EPG5: variants seen among roughly 807,000 people sequenced by gnomAD.
The protein encoded by EPG5 is ectopic P-granules 5 autophagy tethering factor, also known as ectopic P granules protein 5 homolog.
A neutral mutation model predicts 302.7 loss-of-function variants in EPG5; 159 were observed. The observed-to-expected ratio is 0.53, with a 90% CI of 0.46 to 0.60. The LOEUF is 0.60. Among genes scored for constraint, EPG5 ranks in the 20% least tolerant of loss-of-function variants. The probability of loss-of-function intolerance (pLI) is 0.00; values close to 1 mark genes in which losing one functional copy is unlikely to be tolerated. For synonymous variants in EPG5, 1,158 were observed against 1,136.8 expected (o/e 1.02, Z -0.37); for missense variants, 2,896 against 3,092.4 (o/e 0.94, Z 1.51).
intron 3 of EPG5, 52 bp from the exon 4 acceptor site, chr18:45,951,290 A>G: frequency 5.3e-6 from 7 of 1,310,848 alleles, no homozygotes; most frequent in Non-Finnish European, 6.9e-6. Context: ...TTTTTGGGGG[A>G]ATTTTTAGTG....
At chr18:45,876,392 C>T (rs917081552) in intron 34 of EPG5, 50 bp from the exon 35 acceptor site, 16 of 1,464,558 alleles carry the variant, frequency 1.1e-5, no homozygotes, top group African/African-American at 9.7e-5. Flanking sequence ...GATTAAAATA[C>T]TGTTAAGTCC....
chr18:45,855,481 T>A, intron 43 of EPG5, 92 bp downstream of exon 43: 1 of 820,466 alleles, frequency 1.2e-6, no homozygotes, highest in East Asian at 2.6e-5. Context: ...CAGAGCATCA[T>A]GTCATGACGC....
chr18:45,891,324 C>A (rs1327828333), intron 27 of EPG5, among the ~76,000 whole-genome samples: 2 of 151,840 alleles, frequency 1.3e-5, no homozygotes, highest in Non-Finnish European at 2.9e-5. Context: ...CGTGGTGAAA[C>A]CCCGTCTCTA....
intron 27 of EPG5, among the ~76,000 whole-genome samples, chr18:45,894,946 G>C (rs1024870079): frequency 1.3e-5 from 2 of 152,150 alleles, no homozygotes; most frequent in East Asian, 1.9e-4. Context: ...TGAGTAATGA[G>C]AGAATGGAAA....
chr18:45,921,104 C>T (rs977252652), intron 16 of EPG5, among the ~76,000 whole-genome samples: 2 of 152,200 alleles, frequency 1.3e-5, no homozygotes, highest in South Asian at 2.1e-4. Context: ...CATCATCCAG[C>T]CTGCAATTAT....
At chr18:45,801,031 G>T in the EPG5 span, among the ~76,000 whole-genome samples, 1 of 151,866 alleles carries the variant, frequency 6.6e-6, no homozygotes, top group African/African-American at 2.4e-5. Context: ...TGTTTTGAAT[G>T]GGGGGTTGTT....
At chr18:45,823,625 T>C in the EPG5 span, among the ~76,000 whole-genome samples, 2 of 152,206 alleles carry the variant, frequency 1.3e-5, no homozygotes, top group African/African-American at 4.8e-5. Context: ...TTTTATTTTG[T>C]TCTTTTATTA....
At chr18:45,833,218 C>G in the EPG5 span, among the ~76,000 whole-genome samples, 3 of 152,264 alleles carry the variant, frequency 2.0e-5, no homozygotes, top group South Asian at 6.2e-4. Context: ...GTGACTTCAC[C>G]AAGTTGCTGT....
chr18:45,945,256 T>G (rs2050761099), intron 7 of EPG5, among the ~76,000 whole-genome samples: 1 of 152,220 alleles, frequency 6.6e-6, no homozygotes, highest in Admixed American at 6.5e-5. Context: ...TTAGCTATTC[T>G]CAACTCAAAG....
At chr18:45,810,715 A>G in the EPG5 span, among the ~76,000 whole-genome samples, 1 of 152,290 alleles carries the variant, frequency 6.6e-6, no homozygotes, top group African/African-American at 2.4e-5. Context: ...TGGGAGGCGG[A>G]GGTTGCAGTG....
At chr18:45,926,458 T>C (rs2050270378) in intron 13 of EPG5, among the ~76,000 whole-genome samples, 1 of 152,120 alleles carries the variant, frequency 6.6e-6, no homozygotes, top group Non-Finnish European at 1.5e-5. Flanking sequence ...TAATCCACAA[T>C]AAAAAATTTT....
At position 45,948,453 on chromosome 18, in the gene EPG5, G is replaced by A. The variant is rs752589358; in HGVS notation, c.1571+50C>T. 5 of 1,440,180 alleles carry A rather than the reference G, an allele frequency of 3.5e-6. No individual in the cohort carries two copies. The African/African-American group carries it at 7.0e-5, about 20-fold the overall frequency. 89.2% of individuals were successfully genotyped at this position (1,440,180 alleles called of 1,614,324 possible). A position where few individuals can be genotyped will look rare whatever the true frequency, so the allele number is the denominator to read the frequency against. On this transcript the variant is annotated intron_variant, in intron 6 of 43. Transcript: ENST00000282041. The stretch of plus-strand genomic sequence containing the variant: ...GGCAGTTTCAGGAGCCAATCCTTTA[G>A]AAGAAAGAAGCATTTCAATCTCTAC...
Position 45,944,098 on chromosome 18 carries a change from A to C in EPG5, c.1699T>G (p.Trp567Gly). 1 of 1,613,178 alleles carries C rather than the reference A, an allele frequency of 6.2e-7. No individual in the cohort carries two copies. Residue 567 changes from tryptophan (W) to glycine (G), a missense_variant, in exon 8 of 44, where the codon TGG becomes GGG. Physicochemically the swap from Trp to Gly is radical, Grantham distance 184. Around this residue, in one of 5 missense-constraint regions of EPG5, gnomAD observed 1,390 missense variants for 1,430.0 expected, o/e 0.97. Transcript: ENST00000282041. ...GEEDEDPETS[W>G]ILLNEDDLVT... Reference sequence around the variant, plus strand: ...AAATCATCTTCATTAAGGAGAATCCAACTGGTCTCAGGGTCTTCATCCTAA... The same window carrying C: ...AAATCATCTTCATTAAGGAGAATCCCACTGGTCTCAGGGTCTTCATCCTAA...
intron 3 of EPG5, 89 bp downstream of exon 3, chr18:45,952,311 A>C: frequency 6.7e-7 from 1 of 1,487,012 alleles, no homozygotes; most frequent in Admixed American, 2.0e-5. Flanking sequence ...TTGTAAGACC[A>C]ATTACTATAC....
At chr18:45,865,570 A>T (rs1166701787) in intron 39 of EPG5, 45 bp downstream of exon 39, 1 of 1,601,410 alleles carries the variant, frequency 6.2e-7, no homozygotes, top group Non-Finnish European at 8.5e-7. Context: ...GCACAGCAGG[A>T]ATGCATTGAC....
chr18:45,823,498 G>A, the EPG5 span, among the ~76,000 whole-genome samples: 1 of 152,116 alleles, frequency 6.6e-6, no homozygotes, highest in East Asian at 1.9e-4. Flanking sequence ...ACCCTAATAT[G>A]CAACTGTGAA....
the EPG5 span, among the ~76,000 whole-genome samples, chr18:45,825,163 GGAGGGAGGGAGGAAGA>G: frequency 1.5e-5 from 2 of 129,070 alleles, no homozygotes; most frequent in African/African-American, 5.4e-5. Flanking sequence ...AGGAAGGGAG[GGAGGGAGGGAGGAAGA>G]GAGGGAGGGA....
At chr18:45,862,446 C>T (rs537390688) in intron 39 of EPG5, among the ~76,000 whole-genome samples, 1 of 152,284 alleles carries the variant, frequency 6.6e-6, no homozygotes, top group African/African-American at 2.4e-5. Context: ...CCCACCAAAT[C>T]TCATGTTGAA....
At chr18:45,813,080 AC>A in the EPG5 span, among the ~76,000 whole-genome samples, 1 of 152,220 alleles carries the variant, frequency 6.6e-6, no homozygotes, top group Admixed American at 6.5e-5. Flanking sequence ...CAAGAAAAAA[AC>A]AACCCCATCA....
Sources: gnomAD v4.1 joint callset for allele counts (sites outside exome capture counted in the v4.1 genomes callset) on GRCh38, gnomAD v4.1.1 for gene constraint, gnomAD v4.1.1 regional missense constraint, MANE v1.5 for transcripts, NCBI Gene and HGNC (gene_info 2026-07-23, HGNC 2026-07-21) for gene names.